GABRG3: variants seen among roughly 807,000 people sequenced by gnomAD.
GABRG3 encodes gamma-aminobutyric acid receptor subunit gamma-3.
GABRG3 carries 25 observed loss-of-function variants against 48.8 expected under a neutral mutation model. The observed-to-expected ratio is 0.51, with a 90% CI of 0.37 to 0.72. The LOEUF is 0.72. Among genes scored for constraint, GABRG3 ranks in the 30% least tolerant of loss-of-function variants. The pLI, the probability that GABRG3 is intolerant of heterozygous loss-of-function variation, is 0.00. For synonymous variants in GABRG3, 227 were observed against 217.6 expected, an observed-to-expected ratio of 1.04 and a Z score of -0.38; for missense variants, 394 against 577.9, an observed-to-expected ratio of 0.68 and a Z score of 3.26.
chr15:27,477,076 C>CA (rs1470279180), intron 5 of GABRG3, among the ~76,000 whole-genome samples: 1 of 151,980 alleles, frequency 6.6e-6, no homozygotes. Flanking sequence ...AAATTTTCCT[C>CA]AAAAAACAAA....
At chr15:27,105,065 T>G (rs144373035) in intron 3 of GABRG3, among the ~76,000 whole-genome samples, 273 of 152,130 alleles carry the variant, frequency 1.8e-3, no homozygotes, top group Middle Eastern at 0.014. Context: ...TAACATAGAT[T>G]GAAAGTAAAA....
intron 3 of GABRG3, among the ~76,000 whole-genome samples, chr15:27,135,716 C>G (rs1897996988): frequency 1.3e-5 from 2 of 152,006 alleles, no homozygotes; most frequent in Non-Finnish European, 2.9e-5. Flanking sequence ...ACCAGCCTGG[C>G]CAATATGGTG....
At chr15:27,428,828 A>C (rs1211748644) in intron 5 of GABRG3, among the ~76,000 whole-genome samples, 1 of 152,188 alleles carries the variant, frequency 6.6e-6, no homozygotes, top group Non-Finnish European at 1.5e-5. Flanking sequence ...TCTGGAGCTG[A>C]GGGAAAAAAA....
chr15:27,258,191 C>G (rs1236432199), intron 3 of GABRG3, among the ~76,000 whole-genome samples: 1 of 152,076 alleles, frequency 6.6e-6, no homozygotes, highest in East Asian at 1.9e-4. Context: ...ACCTCAGGCA[C>G]CCATGGTTAG....
intron 3 of GABRG3, among the ~76,000 whole-genome samples, chr15:27,237,970 TTATTA>T (rs1469525422): frequency 6.6e-6 from 1 of 152,146 alleles, no homozygotes. Flanking sequence ...TGTAATACTG[TTATTA>T]TGTCTGGGAA....
At position 27,236,685 on chromosome 15, in the gene GABRG3, A is replaced by G. The variant is rs1351777672; in HGVS notation, c.271-90124A>G. On this transcript the variant is annotated intron_variant, in intron 3 of 9. Coordinates refer to ENST00000615808, the MANE Select transcript of GABRG3 (RefSeq NM_033223.5). This position sits in a 1 kb window ranked among gnomAD's most constrained non-coding sequence, Gnocchi z 4.4. ...GCCACAGAGTGGCTCTGACCAGCCT[A>G]GGGAGGATGCACAGTGAGGGTTTCT... is the stretch of plus-strand genomic sequence containing the variant. Among the ~76,000 whole-genome samples the G allele has an allele frequency of 2.7e-4, 41 of 152,148 alleles. No individual in the cohort carries two copies. Among genetic ancestry groups the G allele is most frequent in the Admixed American group, 2.7e-3 (41 of 15,282 alleles).
chr15:26,990,433 T>A (rs1895226391), intron 2 of GABRG3, among the ~76,000 whole-genome samples: 1 of 152,230 alleles, frequency 6.6e-6, no homozygotes, highest in Non-Finnish European at 1.5e-5. Context: ...TTGAGAAATA[T>A]CTATTAGAAT....
chr15:27,022,743 G>A (rs1895919238), intron 2 of GABRG3, among the ~76,000 whole-genome samples: 1 of 152,134 alleles, frequency 6.6e-6, no homozygotes, highest in African/African-American at 2.4e-5. Context: ...GCTGCTGTCA[G>A]GTCCCCCTTC....
At chr15:27,225,924 C>A (rs1471855026) in intron 3 of GABRG3, among the ~76,000 whole-genome samples, 1 of 152,108 alleles carries the variant, frequency 6.6e-6, no homozygotes, top group African/African-American at 2.4e-5. Context: ...GACCCAGAGC[C>A]TGTGACTAAG....
intron 3 of GABRG3, among the ~76,000 whole-genome samples, chr15:27,054,953 C>T (rs545104204): frequency 6.6e-6 from 1 of 151,036 alleles, no homozygotes; most frequent in African/African-American, 2.4e-5. Context: ...AGCGTCAAAC[C>T]TGAGAGTGAA....
At chr15:27,380,284 A>G (rs1371284583) in intron 5 of GABRG3, among the ~76,000 whole-genome samples, 2 of 152,068 alleles carry the variant, frequency 1.3e-5, no homozygotes, top group Non-Finnish European at 2.9e-5. Context: ...CTGTTTTTAC[A>G]TGTTGTCCAC....
intron 6 of GABRG3, among the ~76,000 whole-genome samples, chr15:27,501,042 C>T (rs969016724): frequency 2.0e-5 from 3 of 150,706 alleles, no homozygotes; most frequent in Non-Finnish European, 2.9e-5. Context: ...AGCTCCGCCT[C>T]CCGGGTTCAC....
intron 3 of GABRG3, among the ~76,000 whole-genome samples, chr15:27,119,373 C>T (rs1423288224): frequency 6.6e-6 from 1 of 152,188 alleles, no homozygotes; most frequent in Non-Finnish European, 1.5e-5. Context: ...GAGTTTCAGC[C>T]ATGAACCTTA....
intron 5 of GABRG3, among the ~76,000 whole-genome samples, chr15:27,358,094 A>T (rs998847527): frequency 1.3e-5 from 2 of 152,242 alleles, no homozygotes; most frequent in African/African-American, 4.8e-5. Flanking sequence ...TACCAGACTC[A>T]TGAAGGTGGA....
At chr15:27,122,630 G>A (rs1004552576) in intron 3 of GABRG3, among the ~76,000 whole-genome samples, 2 of 152,188 alleles carry the variant, frequency 1.3e-5, no homozygotes, top group African/African-American at 4.8e-5. Context: ...CTACAGAATG[G>A]AGGTGCAGAC....
intron 5 of GABRG3, chr15:27,364,585 G>T (rs1259270209): frequency 6.6e-6 from 1 of 152,238 alleles, no homozygotes; most frequent in Admixed American, 6.5e-5. Context: ...GAGTTGCTGA[G>T]TGGTTTTGTG....
At chr15:27,526,892 T>C (rs1169407168) in intron 7 of GABRG3, among the ~76,000 whole-genome samples, 1 of 152,144 alleles carries the variant, frequency 6.6e-6, no homozygotes, top group Non-Finnish European at 1.5e-5. Context: ...GAGACAGGTA[T>C]GTAAAGACAT....
intron 3 of GABRG3, among the ~76,000 whole-genome samples, chr15:27,306,395 C>CAT (rs200585572): frequency 1.0e-4 from 14 of 137,456 alleles, no homozygotes; most frequent in South Asian, 2.3e-4. Context: ...TACATGTAAA[C>CAT]ATATATATAA....
chr15:26,985,853 G>A (rs1048396860), intron 2 of GABRG3, among the ~76,000 whole-genome samples: 8 of 152,154 alleles, frequency 5.3e-5, no homozygotes, highest in African/African-American at 1.4e-4. Context: ...GATTGTTTCC[G>A]TATTTTAAGA....
Sources: gnomAD v4.1 joint callset for allele counts (sites outside exome capture counted in the v4.1 genomes callset) on GRCh38, gnomAD v4.1.1 for gene constraint, Gnocchi (gnomAD v3.1) non-coding constraint, MANE v1.5 for transcripts, NCBI Gene and HGNC (gene_info 2026-07-23, HGNC 2026-07-21) for gene names.